RHOT1: variants seen among roughly 807,000 people sequenced by gnomAD.
RHOT1 encodes mitochondrial Rho GTPase 1.
RHOT1 carries 27 observed loss-of-function variants against 95.3 expected under a neutral mutation model. The ratio of observed to expected loss-of-function variants is 0.28; its 90% confidence interval spans 0.21 to 0.39. The LOEUF is 0.39. RHOT1 is among the 10% of genes least tolerant of loss of function. The pLI, the probability that RHOT1 is intolerant of heterozygous loss-of-function variation, is 1.00. For missense variants in RHOT1, 578 were observed against 786.7 expected, an observed-to-expected ratio of 0.73 and a Z score of 3.17; for synonymous variants, 227 against 263.5, an observed-to-expected ratio of 0.86 and a Z score of 1.34.
At chr17:32,207,159 CCCTATT>C in intron 17 of RHOT1, 130 bp downstream of exon 17, 1 of 858,026 alleles carries the variant, frequency 1.2e-6, no homozygotes, top group South Asian at 2.1e-5. Context: ...TACATCTTTA[CCCTATT>C]CCTGAAGGTT....
At chr17:32,167,149 G>C (rs997803031) in intron 1 of RHOT1, among the ~76,000 whole-genome samples, 1 of 152,070 alleles carries the variant, frequency 6.6e-6, no homozygotes, top group Non-Finnish European at 1.5e-5. Context: ...CTGAGCTCTT[G>C]GGTGACCAGG....
chr17:32,178,654 G>A (rs1040677153), intron 6 of RHOT1, among the ~76,000 whole-genome samples: 19 of 144,396 alleles, frequency 1.3e-4, no homozygotes, highest in Admixed American at 7.6e-4. Context: ...GCTGCCCATC[G>A]TCTGGGATGT....
At chr17:32,164,157 A>C (rs1430326009) in intron 1 of RHOT1, among the ~76,000 whole-genome samples, 2 of 152,226 alleles carry the variant, frequency 1.3e-5, no homozygotes, top group Non-Finnish European at 2.9e-5. Flanking sequence ...AATTGCTTAA[A>C]AAATATTTAT....
chr17:32,198,737 T>A (rs1000701282), intron 11 of RHOT1, among the ~76,000 whole-genome samples: 6 of 152,086 alleles, frequency 3.9e-5, no homozygotes, highest in Non-Finnish European at 7.4e-5. Flanking sequence ...AAAGAAAATG[T>A]TGTTACTTTG....
intron 6 of RHOT1, among the ~76,000 whole-genome samples, chr17:32,180,759 G>C (rs558567552): frequency 5.5e-5 from 8 of 146,520 alleles, no homozygotes; most frequent in Non-Finnish European, 1.0e-4. Context: ...TCAAGCACCA[G>C]CTTGGACCAC....
rs536388660 is a variant in RHOT1, at chr17:32,195,829, AAATG to A, written c.869+1730_869+1733del. ...CTAGATTTTTCAATAAATATATACTAAATGAATGAATTTGTTATAGGACTCTCTC... is the reference window on the plus strand; with the variant it reads ...CTAGATTTTTCAATAAATATATACTAAATGAATTTGTTATAGGACTCTCTC... On this transcript the variant is annotated intron_variant, in intron 11 of 19. Coordinates refer to ENST00000545287, the MANE Select transcript of RHOT1 (RefSeq NM_001033566.3). Among the ~76,000 whole-genome samples the A allele has an allele frequency of 1.5e-3, 228 of 152,328 alleles. 1 individual carries two copies. Among genetic ancestry groups the A allele is most frequent in the African/African-American group, 5.2e-3 (216 of 41,570 alleles).
chr17:32,148,127 T>C (rs2031659008), intron 1 of RHOT1, among the ~76,000 whole-genome samples: 1 of 151,984 alleles, frequency 6.6e-6, no homozygotes, highest in Non-Finnish European at 1.5e-5. Flanking sequence ...TAGCCAGGCG[T>C]GGTGGCAGGT....
At chr17:32,165,424 G>A (rs1274666730) in intron 1 of RHOT1, among the ~76,000 whole-genome samples, 1 of 150,446 alleles carries the variant, frequency 6.6e-6, no homozygotes, top group Non-Finnish European at 1.5e-5. Flanking sequence ...TCAAGAGACT[G>A]AGGCACAAGA....
chr17:32,147,687 G>A (rs1048711923), intron 1 of RHOT1, among the ~76,000 whole-genome samples: 50 of 151,988 alleles, frequency 3.3e-4, no homozygotes, highest in African/African-American at 1.1e-3. Flanking sequence ...GGGCATGGTG[G>A]CGTGTGACTG....
chr17:32,175,815 A>C, intron 4 of RHOT1, 147 bp from the exon 5 acceptor site: 1 of 531,652 alleles, frequency 1.9e-6, no homozygotes, highest in South Asian at 3.4e-5. Context: ...TTTCTCTTAG[A>C]GGCAAGCTAA....
intron 1 of RHOT1, among the ~76,000 whole-genome samples, chr17:32,144,315 A>G (rs988680927): frequency 6.6e-6 from 1 of 152,142 alleles, no homozygotes; most frequent in African/African-American, 2.4e-5. Context: ...TGGGAGGCCA[A>G]GGCAGGCAGA....
chr17:32,207,116 A>T (rs2037815334), intron 17 of RHOT1, 87 bp downstream of exon 17: 4 of 1,229,082 alleles, frequency 3.3e-6, no homozygotes, highest in Non-Finnish European at 4.5e-6. Context: ...AACCACAAAA[A>T]TGCAACAAAA....
chr17:32,206,822 A>T lies in RHOT1; in HGVS notation c.1417-88A>T. 3 of 934,282 alleles carry T rather than the reference A, an allele frequency of 3.2e-6. No homozygotes were observed. The South Asian group carries it at 5.4e-5, about 17-fold the overall frequency. The allele number at this position is 934,282 out of a possible 1,614,324, so 57.9% of individuals were successfully genotyped here. A position where few individuals can be genotyped will look rare whatever the true frequency, so the allele number is the denominator to read the frequency against. On this transcript the variant is annotated intron_variant, in intron 16 of 19. Coordinates refer to ENST00000545287, the MANE Select transcript of RHOT1 (RefSeq NM_001033566.3). Reference sequence around the variant, plus strand: ...TTAACCAGTACTTTTAAACTTAGGAAGTCCAGGGAAGGAAGTAATAAGCTA... The same window carrying T: ...TTAACCAGTACTTTTAAACTTAGGATGTCCAGGGAAGGAAGTAATAAGCTA...
chr17:32,180,697 CAAAAAAA>C (rs34530711), intron 6 of RHOT1, among the ~76,000 whole-genome samples: 12 of 77,734 alleles, frequency 1.5e-4, no homozygotes, highest in East Asian at 3.6e-4. Flanking sequence ...TGTTTTAAGC[CAAAAAAA>C]AAAAAAAAAA....
At chr17:32,209,330 C>G in intron 18 of RHOT1, 1 of 1,408,920 alleles carries the variant, frequency 7.1e-7, no homozygotes, top group Non-Finnish European at 9.8e-7. Context: ...CTTTAAAACT[C>G]TCATGTATGT....
At chr17:32,224,316 C>T (rs1167990781) in intron 19 of RHOT1, among the ~76,000 whole-genome samples, 1 of 152,100 alleles carries the variant, frequency 6.6e-6, no homozygotes, top group Non-Finnish European at 1.5e-5. Flanking sequence ...TTATAAAATG[C>T]TAGATTGATT....
Position 32,142,551 on chromosome 17 carries a change from T to G in RHOT1, c.-142T>G, listed in dbSNP as rs1330447198. 1.6e-6 allele frequency: 1 copy of G among 624,694 alleles called. No individual in the cohort carries two copies. Among genetic ancestry groups the G allele is most frequent in the Non-Finnish European group, 2.5e-6 (1 of 398,158 alleles). 38.7% of individuals were successfully genotyped at this position (624,694 alleles called of 1,614,324 possible). ...GGAGCTGGCGCTGTCCCGGCTCTCT[T>G]GCGGGGAAGCAACTGAGGGGGCGGC... On this transcript the variant is annotated 5_prime_UTR_variant, in exon 1 of 20. Transcript: ENST00000545287.
intron 1 of RHOT1, among the ~76,000 whole-genome samples, chr17:32,149,627 A>ATGTGTGTGTGTG (rs1488563031): frequency 1.2e-3 from 108 of 87,064 alleles, no homozygotes; most frequent in African/African-American, 3.5e-3. Context: ...ATATATATAT[A>ATGTGTGTGTGTG]TATATATATG....
At chr17:32,167,153 G>C (rs2034157169) in intron 1 of RHOT1, among the ~76,000 whole-genome samples, 1 of 152,190 alleles carries the variant, frequency 6.6e-6, no homozygotes, top group Middle Eastern at 3.4e-3. Context: ...GCTCTTGGGT[G>C]ACCAGGTGTA....
Sources: gnomAD v4.1 joint callset for allele counts (sites outside exome capture counted in the v4.1 genomes callset) on GRCh38, gnomAD v4.1.1 for gene constraint, MANE v1.5 for transcripts, NCBI Gene and HGNC (gene_info 2026-07-23, HGNC 2026-07-21) for gene names.